The following MGAM variants were observed in gnomAD, a reference collection of about 807,000 sequenced individuals.
MGAM encodes the protein maltase-glucoamylase, also known as alpha-1,4-glucosidase.
MGAM carries 253 observed loss-of-function variants against 358.8 expected under a neutral mutation model. The observed-to-expected ratio is 0.71, with a 90% CI of 0.64 to 0.78. The LOEUF is 0.78. Among genes scored for constraint, MGAM ranks in the 30% least tolerant of loss-of-function variants. The pLI is 0.00. For missense variants in MGAM, 3,080 were observed against 3,432.6 expected (o/e 0.90, Z 2.57); for synonymous variants, 1,105 against 1,227.1 (o/e 0.90, Z 2.08).
intron 2 of MGAM, among the ~76,000 whole-genome samples, chr7:141,987,446 G>T (rs1803763883): frequency 6.6e-6 from 1 of 152,188 alleles, no homozygotes; most frequent in Non-Finnish European, 1.5e-5. Context: ...CAGGCACTGT[G>T]TCTCAAATCT....
At position 142,064,434 on chromosome 7, in the gene MGAM, A is replaced by T; in HGVS notation, c.4396A>T (p.Ser1466Cys). 1 of 1,606,436 alleles carries T rather than the reference A, an allele frequency of 6.2e-7. No homozygotes were observed. The highest frequency in any genetic ancestry group is 2.2e-5 in the East Asian group (1 of 44,618). The change falls in exon 37 of 71, where the codon AGT becomes TGT. Residue 1466 changes from serine to cysteine, a missense_variant. Coordinates refer to ENST00000475668, the MANE Select transcript of MGAM (RefSeq NM_001365693.1). ...GLSSKTLCME[S>C]QQILPDGSLV... Reference sequence around the variant, plus strand: ...GAGCAGCAAGACCCTTTGTATGGAGAGTCAGCAGATCCTCCCAGACGGCTC... The same window carrying T: ...GAGCAGCAAGACCCTTTGTATGGAGTGTCAGCAGATCCTCCCAGACGGCTC...
At position 142,080,950 on chromosome 7, in the gene MGAM, G is replaced by A. The variant is rs747699867; in HGVS notation, c.6002+5G>A. 7.7e-6 allele frequency: 12 copies of A among 1,549,118 alleles called. No homozygotes were observed. In the African/African-American group the frequency reaches 1.6e-4, roughly 21 times the overall value. ...GAAGAGTACAGGCACTATAATGTGA[G>A]TGGCTTCTAGTGTGACTCAGAGTTG... On this transcript the variant is annotated splice_donor_5th_base_variant and intron_variant, in intron 50 of 70. Coordinates refer to ENST00000475668, the MANE Select transcript of MGAM (RefSeq NM_001365693.1).
In MGAM at chr7:142,058,211, C is replaced by T. The variant is rs773781835; in HGVS notation, c.3702C>T (p.Gly1234=). The T allele has an allele frequency of 6.2e-7, 1 of 1,613,770 alleles. No homozygotes were observed. The highest frequency in any genetic ancestry group is 8.5e-7 in the Non-Finnish European group (1 of 1,179,782). ...TTCTGTCTATTTTCTAGTTGATTGGCCGGCCTGTGATGGTACCTTACTGGT... is the reference window on the plus strand; with the variant it reads ...TTCTGTCTATTTTCTAGTTGATTGGTCGGCCTGTGATGGTACCTTACTGGT... The part of the protein sequence containing the change: ...LVTQQYTELI[G]RPVMVPYWSL... Residue 1234 remains glycine, a synonymous_variant, in exon 31 of 71, where the codon GGC becomes GGT. Coordinates refer to ENST00000475668, the MANE Select transcript of MGAM (RefSeq NM_001365693.1).
chr7:141,998,297 G>A (rs1012257766), intron 1 of MGAM, among the ~76,000 whole-genome samples: 2 of 152,154 alleles, frequency 1.3e-5, no homozygotes, highest in South Asian at 4.2e-4. Context: ...GTGCAGGTTC[G>A]TTACATGGGT....
chr7:142,101,165 G>A (rs894094728), intron 68 of MGAM, among the ~76,000 whole-genome samples: 3 of 152,072 alleles, frequency 2.0e-5, no homozygotes, highest in South Asian at 2.1e-4. Context: ...TGTAGCCAGC[G>A]GAGATAAACT....
chr7:142,005,781 G>A, intron 2 of MGAM, 124 bp downstream of exon 2: 1 of 931,912 alleles, frequency 1.1e-6, no homozygotes, highest in Non-Finnish European at 1.6e-6. Flanking sequence ...GCTGTTATAT[G>A]TGTGTGTTCT....
chr7:141,987,150 G>A (rs1554446371), intron 2 of MGAM, among the ~76,000 whole-genome samples: 1 of 152,146 alleles, frequency 6.6e-6, no homozygotes, highest in East Asian at 1.9e-4. Context: ...GGTGCTGGTA[G>A]TGGTGGTGGT....
chr7:142,052,445 AG>A lies in MGAM; in HGVS notation c.2958+1del. ...ENCTARGCIW[E>X]ASNSSGVPFC... ...TGCACTGCCCGTGGCTGTATCTGGGAGGTAACCATGCTGATGGGGTTTGTGT... is the reference window on the plus strand; with the variant it reads ...TGCACTGCCCGTGGCTGTATCTGGGAGTAACCATGCTGATGGGGTTTGTGT... On this transcript the variant is annotated frameshift_variant and splice_region_variant, in exon 25 of 71. Transcript: ENST00000475668. LOFTEE classifies it high-confidence loss of function. 6.2e-7 allele frequency: 1 copy of A among 1,613,192 alleles called. No individual in the cohort carries two copies. The highest frequency in any genetic ancestry group is 8.5e-7 in the Non-Finnish European group (1 of 1,179,664).
At chr7:142,021,861 C>T (rs780123473) in intron 6 of MGAM, 124 bp downstream of exon 6, 29 of 939,148 alleles carry the variant, frequency 3.1e-5, no homozygotes, top group Non-Finnish European at 4.6e-5. Context: ...GTGACCAGAA[C>T]CTTTACCTTC....
chr7:142,021,661 T>G lies in MGAM; in HGVS notation c.634T>G (p.Ser212Ala). 1 of 1,613,964 alleles carries G rather than the reference T, an allele frequency of 6.2e-7. No homozygotes were observed. The highest frequency in any genetic ancestry group is 8.5e-7 in the Non-Finnish European group (1 of 1,179,840). The change falls in exon 6 of 71, where the codon TCT (serine) becomes GCT (alanine). Residue 212 changes from serine to alanine, a missense_variant. Physicochemically the swap from Ser to Ala is moderately conservative, Grantham distance 99. Around this residue, in one of 5 missense-constraint regions of MGAM, gnomAD observed 1,816 missense variants for 1,840.5 expected, o/e 0.99. Coordinates refer to ENST00000475668, the MANE Select transcript of MGAM (RefSeq NM_001365693.1). ...GTCCTTCAGTGGAAATGCTGCTGCT[T>G]CTTTGACCTACCAAGTTGAAATCTC... is the stretch of plus-strand genomic sequence containing the variant. ...VQSFSGNAAA[S>A]LTYQVEISRQ...
chr7:142,009,340 T>C (rs1002745998), intron 3 of MGAM, among the ~76,000 whole-genome samples: 10 of 152,144 alleles, frequency 6.6e-5, no homozygotes, highest in African/African-American at 2.4e-4. Context: ...CCACACCCTA[T>C]GTTTGATGTG....
chr7:142,030,189 T>G, intron 10 of MGAM, 173 bp from the exon 11 acceptor site: 8 of 691,096 alleles, frequency 1.2e-5, no homozygotes, highest in East Asian at 3.0e-5. Context: ...ACCAGTCGTG[T>G]GTTTTTGAAA....
At chr7:142,094,035 C>T (rs1815651789) in intron 60 of MGAM, among the ~76,000 whole-genome samples, 3 of 146,198 alleles carry the variant, frequency 2.1e-5, no homozygotes, top group African/African-American at 4.9e-5. Flanking sequence ...CTTCTAAGGA[C>T]GATCTTATAA....
chr7:142,068,313 C>A (rs1300237187), intron 42 of MGAM, among the ~76,000 whole-genome samples: 1 of 142,964 alleles, frequency 7.0e-6, no homozygotes, highest in Non-Finnish European at 1.6e-5. Flanking sequence ...TCTCATTATA[C>A]CCACAAAATT....
At chr7:142,016,523 A>G (rs1474120235) in intron 3 of MGAM, among the ~76,000 whole-genome samples, 2 of 152,186 alleles carry the variant, frequency 1.3e-5, no homozygotes, top group African/African-American at 2.4e-5. Flanking sequence ...ATCATCATGT[A>G]CTGACTCTAT....
chr7:142,050,294 A>C lies in MGAM; in HGVS notation c.2637+10A>C. The C allele has an allele frequency of 6.2e-7, 1 of 1,612,314 alleles. No individual in the cohort carries two copies. The highest frequency in any genetic ancestry group is 8.5e-7 in the Non-Finnish European group (1 of 1,178,472). On this transcript the variant is annotated intron_variant, in intron 23 of 70. Coordinates refer to ENST00000475668, the MANE Select transcript of MGAM (RefSeq NM_001365693.1). Reference sequence around the variant, plus strand: ...GTTTTCTGTCACTCAAGTGAGTAGCATATTTTTATGAATCTTAGGTGTGGG... The same window carrying C: ...GTTTTCTGTCACTCAAGTGAGTAGCCTATTTTTATGAATCTTAGGTGTGGG...
intron 24 of MGAM, among the ~76,000 whole-genome samples, chr7:142,051,263 T>C (rs113333053): frequency 0.039 from 5,891 of 150,946 alleles, 174 homozygotes; most frequent in South Asian, 0.094. Flanking sequence ...TGTGGTCAGG[T>C]TTTGGAGGTC....
At chr7:142,032,385 T>C (rs1807586223) in intron 13 of MGAM, among the ~76,000 whole-genome samples, 1 of 152,156 alleles carries the variant, frequency 6.6e-6, no homozygotes, top group Non-Finnish European at 1.5e-5. Context: ...TCTTAAATTA[T>C]AGCAACTAAA....
Position 142,054,896 on chromosome 7 carries a change from C to T in MGAM, c.3302C>T (p.Thr1101Ile). ...GGGATTGAAATTCGCCGGAAGAGTA[C>T]AGGCACTATAATGTGAGTGGCTTCT... ...PFGIEIRRKS[T>I]GTIIWDSQLL... is the part of the protein sequence containing the mutation. The change falls in exon 27 of 71, where the codon ACA becomes ATA. Residue 1101 changes from threonine (T) to isoleucine (I), a missense_variant. Physicochemically the swap from Thr to Ile is moderately conservative, Grantham distance 89. Coordinates refer to ENST00000475668, the MANE Select transcript of MGAM (RefSeq NM_001365693.1). 1 of 1,613,734 alleles carries T rather than the reference C, an allele frequency of 6.2e-7. No individual in the cohort carries two copies. The highest frequency in any genetic ancestry group is 8.5e-7 in the Non-Finnish European group (1 of 1,179,742).
Sources: gnomAD v4.1 joint callset for allele counts (sites outside exome capture counted in the v4.1 genomes callset) on GRCh38, gnomAD v4.1.1 for gene constraint, gnomAD v4.1.1 regional missense constraint, MANE v1.5 for transcripts, NCBI Gene and HGNC (gene_info 2026-07-23, HGNC 2026-07-21) for gene names.